The following BCL2L14 variants were observed in gnomAD, a reference collection of about 807,000 sequenced individuals.
The protein encoded by BCL2L14 is BCL2 like 14, also known as apoptosis facilitator Bcl-2-like protein 14.
Under a neutral mutation model 35.3 loss-of-function variants are expected in BCL2L14, and 27 were observed. That is an observed-to-expected ratio of 0.76 (90% CI 0.56 to 1.05). The LOEUF is 1.05. Among genes scored for constraint, BCL2L14 ranks in the 50% least tolerant of loss-of-function variants. The pLI is 0.00. For missense variants in BCL2L14, 377 were observed against 382.6 expected, an observed-to-expected ratio of 0.99 and a Z score of 0.12; for synonymous variants, 139 against 145.9, an observed-to-expected ratio of 0.95 and a Z score of 0.34.
At chr12:12,059,807 C>T (rs1565441600) in intron 2 of BCL2L14, among the ~76,000 whole-genome samples, 1 of 152,170 alleles carries the variant, frequency 6.6e-6, no homozygotes, top group Non-Finnish European at 1.5e-5. Flanking sequence ...CCAATACAAA[C>T]TCCACAGTAG....
chr12:12,079,318 A>C lies in BCL2L14; in HGVS notation c.13A>C (p.Ser5Arg). ...TTACAGGCCCAACATGTGTAGCACC[A>C]GTGGGTGTGACCTGGAAGAAATCCC... Reference protein sequence around the residue: MCSTSGCDLEEIPLD... With the variant: MCSTRGCDLEEIPLD... Residue 5 changes from serine (S) to arginine (R), a missense_variant, in exon 2 of 6, where the codon AGT becomes CGT. Ser to Arg is a moderately radical substitution (Grantham distance 110). Coordinates refer to ENST00000308721, the MANE Select transcript of BCL2L14 (RefSeq NM_138723.2). 2 of 1,613,732 alleles carry C rather than the reference A, an allele frequency of 1.2e-6. No individual in the cohort carries two copies. The highest frequency in any genetic ancestry group is 3.3e-4 in the Middle Eastern group (2 of 6,056).
chr12:12,094,848 A>AC lies in BCL2L14; in HGVS notation c.866dup (p.Met290AspfsTer35). 1.2e-6 allele frequency: 2 copies of AC among 1,614,190 alleles called. No individual in the cohort carries two copies. The highest frequency in any genetic ancestry group is 1.7e-6 in the Non-Finnish European group (2 of 1,180,036). On this transcript the variant is annotated frameshift_variant, in exon 5 of 6. Coordinates refer to ENST00000308721, the MANE Select transcript of BCL2L14 (RefSeq NM_138723.2). LOFTEE classifies it high-confidence loss of function. The stretch of plus-strand genomic sequence containing the variant: ...GCCAAGCTCACAGCTATTGACAACC[A>AC]CCCGATGAACAGGGTCCTGGGCTTT...
intron 2 of BCL2L14, among the ~76,000 whole-genome samples, chr12:12,083,038 C>T (rs992674378): frequency 7.9e-5 from 12 of 152,158 alleles, no homozygotes; most frequent in Non-Finnish European, 1.5e-5. Context: ...GATCTCGGCT[C>T]ACTGCAACCT....
chr12:12,090,646 T>TG (rs1949165855), intron 3 of BCL2L14, 133 bp from the exon 4 acceptor site: 6 of 321,636 alleles, frequency 1.9e-5, no homozygotes, highest in Non-Finnish European at 1.1e-5. Context: ...AAATAAAAAA[T>TG]AAAAAAAAAA....
intron 2 of BCL2L14, among the ~76,000 whole-genome samples, chr12:12,059,092 C>G (rs1948480343): frequency 6.6e-6 from 1 of 152,210 alleles, no homozygotes; most frequent in Non-Finnish European, 1.5e-5. Context: ...AGACCCAAAA[C>G]TCCGGTGCCG....
At chr12:12,096,433 G>GAAAAAA (rs71435889) in intron 5 of BCL2L14, among the ~76,000 whole-genome samples, 7 of 102,054 alleles carry the variant, frequency 6.9e-5, no homozygotes, top group African/African-American at 2.6e-4. Flanking sequence ...CCAAGAATGT[G>GAAAAAA]AAAAAAAAAA....
intron 1 of BCL2L14, among the ~76,000 whole-genome samples, chr12:12,074,453 TA>T (rs1489005430): frequency 1.3e-5 from 2 of 152,134 alleles, no homozygotes; most frequent in East Asian, 1.9e-4. Context: ...TTCTTTTTAT[TA>T]TTTTTTTTTG....
In BCL2L14 at chr12:12,060,883, T is replaced by C. The variant is rs375894509; in HGVS notation, c.-272+9036T>C. On this transcript the variant is annotated intron_variant, in intron 2 of 3. Coordinates refer to the BCL2L14 transcript ENST00000461264. ...TGACGCTGCCCGATAGCTTCGGAAG[T>C]CCCGTAGACCATCACAGATGCCGAG... Among the ~76,000 whole-genome samples the C allele has an allele frequency of 0.017, 185 of 11,036 alleles. 7 individuals carry two copies. The East Asian group carries it at 0.57, about 34-fold the overall frequency. The allele number at this position is 11,036 out of a possible 152,430, so 7.2% of individuals were successfully genotyped here. A position where few individuals can be genotyped will look rare whatever the true frequency, so the allele number is the denominator to read the frequency against.
intron 2 of BCL2L14, among the ~76,000 whole-genome samples, chr12:12,058,332 C>A (rs1394825936): frequency 1.3e-5 from 2 of 151,888 alleles, no homozygotes; most frequent in Non-Finnish European, 2.9e-5. Context: ...CTCACTGCAA[C>A]CTCCGCTTCC....
At chr12:12,088,365 C>T (rs1023474821) in intron 3 of BCL2L14, among the ~76,000 whole-genome samples, 4 of 152,066 alleles carry the variant, frequency 2.6e-5, no homozygotes, top group Non-Finnish European at 5.9e-5. Flanking sequence ...GCCACCCCAC[C>T]CTCATCTTAT....
chr12:12,099,085 A>G lies in BCL2L14; in HGVS notation c.*97A>G. The stretch of plus-strand genomic sequence containing the variant: ...CAGGAGATTACAACGTACAAGGCAG[A>G]TGGAGCATTGACGTTTTCAAAACCA... On this transcript the variant is annotated 3_prime_UTR_variant, in exon 6 of 6. Transcript: ENST00000308721. The G allele has an allele frequency of 1.1e-6, 1 of 883,930 alleles. No homozygotes were observed. 54.8% of individuals were successfully genotyped at this position (883,930 alleles called of 1,614,324 possible).
intron 5 of BCL2L14, among the ~76,000 whole-genome samples, chr12:12,097,790 A>G (rs879860001): frequency 1.6e-4 from 24 of 151,200 alleles, no homozygotes; most frequent in Admixed American, 2.6e-4. Context: ...GGTACTGGAG[A>G]AAAAAAACAG....
Position 12,090,716 on chromosome 12 carries a change from T to C in BCL2L14, c.608-63T>C, listed in dbSNP as rs1591834492. On this transcript the variant is annotated intron_variant, in intron 3 of 5. Transcript: ENST00000308721. Reference sequence around the variant, plus strand: ...CCAAGCCACAAGCATTCATTGTCCCTGGAAAAATGTAAGATTATTTTTTGC... The same window carrying C: ...CCAAGCCACAAGCATTCATTGTCCCCGGAAAAATGTAAGATTATTTTTTGC... 17 of 1,370,440 alleles carry C rather than the reference T, an allele frequency of 1.2e-5. No individual in the cohort carries two copies. In the East Asian group the frequency reaches 3.6e-4, roughly 29 times the overall value. The allele number at this position is 1,370,440 out of a possible 1,614,324, so 84.9% of individuals were successfully genotyped here.
At chr12:12,081,883 C>G (rs1948933956) in intron 2 of BCL2L14, among the ~76,000 whole-genome samples, 1 of 152,062 alleles carries the variant, frequency 6.6e-6, no homozygotes, top group Admixed American at 6.6e-5. Context: ...AAAGAAAGGC[C>G]CCCTCCTGCT....
chr12:12,069,479 C>T (rs1017789247), upstream of BCL2L14, among the ~76,000 whole-genome samples: 5 of 151,346 alleles, frequency 3.3e-5, 1 homozygote, highest in South Asian at 6.3e-4. Context: ...GCGGGCAGAT[C>T]GGGAGGTCAG....
intron 1 of BCL2L14, among the ~76,000 whole-genome samples, chr12:12,078,474 A>G (rs1340365066): frequency 6.6e-6 from 1 of 152,212 alleles, no homozygotes; most frequent in African/African-American, 2.4e-5. Context: ...TCAGCCTGAT[A>G]GTCAAAGACC....
At chr12:12,095,885 C>A in intron 5 of BCL2L14, 1 of 985,418 alleles carries the variant, frequency 1.0e-6, no homozygotes, top group Non-Finnish European at 1.2e-6. Flanking sequence ...CTATTTTCCA[C>A]TTTTGCACCA....
At chr12:12,059,611 C>T (rs955402279) in intron 2 of BCL2L14, among the ~76,000 whole-genome samples, 1 of 133,760 alleles carries the variant, frequency 7.5e-6, no homozygotes, top group Non-Finnish European at 1.7e-5. Flanking sequence ...AGGGCAAGAA[C>T]CCCCTACCCC....
intron 4 of BCL2L14, 24 bp downstream of exon 4, chr12:12,090,873 C>T (rs370998811): frequency 7.6e-6 from 12 of 1,575,298 alleles, no homozygotes; most frequent in Middle Eastern, 1.7e-4. Flanking sequence ...TGAACTGATG[C>T]GATTGATTTC....
Sources: gnomAD v4.1 joint callset for allele counts (sites outside exome capture counted in the v4.1 genomes callset) on GRCh38, gnomAD v4.1.1 for gene constraint, MANE v1.5 for transcripts, NCBI Gene and HGNC (gene_info 2026-07-23, HGNC 2026-07-21) for gene names.